SLC35F1: variants seen among roughly 807,000 people sequenced by gnomAD.
SLC35F1 encodes the protein solute carrier family 35 member F1, also known as chromosome 6 open reading frame 169.
In SLC35F1, 14 loss-of-function variants were observed where a neutral mutation model predicts 48.7. The observed-to-expected ratio is 0.29, with a 90% CI of 0.19 to 0.45. The LOEUF (loss-of-function observed/expected upper bound fraction) is 0.45, where lower values mean the gene tolerates loss of function less well. Ranked by LOEUF, SLC35F1 falls within the 20% of genes least tolerant of loss-of-function variation. The pLI is 1.00. For synonymous variants in SLC35F1, 190 were observed against 202.2 expected, an observed-to-expected ratio of 0.94 and a Z score of 0.51; for missense variants, 404 against 500.0, an observed-to-expected ratio of 0.81 and a Z score of 1.83.
chr6:118,204,511 A>T (rs1205259977), intron 2 of SLC35F1, among the ~76,000 whole-genome samples: 1 of 152,210 alleles, frequency 6.6e-6, no homozygotes, highest in Non-Finnish European at 1.5e-5. Context: ...CCACTAGTCA[A>T]TTCCTATGTT....
chr6:118,070,250 C>T (rs1360619661), intron 1 of SLC35F1, among the ~76,000 whole-genome samples: 1 of 151,730 alleles, frequency 6.6e-6, no homozygotes, highest in Non-Finnish European at 1.5e-5. Context: ...AAGCAAACTG[C>T]TTCTCTCTTT....
chr6:118,113,709 C>T (rs1283722533), intron 1 of SLC35F1, among the ~76,000 whole-genome samples: 1 of 152,132 alleles, frequency 6.6e-6, no homozygotes, highest in Non-Finnish European at 1.5e-5. Flanking sequence ...TCTAACTATA[C>T]TTTCAGTTTC....
At chr6:118,158,811 T>G (rs563070780) in intron 2 of SLC35F1, among the ~76,000 whole-genome samples, 1 of 152,310 alleles carries the variant, frequency 6.6e-6, no homozygotes, top group Non-Finnish European at 1.5e-5. Context: ...TTACAAAAAT[T>G]TGGGTACTAT....
chr6:118,167,401 T>C (rs569039835), intron 2 of SLC35F1, among the ~76,000 whole-genome samples: 1 of 152,308 alleles, frequency 6.6e-6, no homozygotes, highest in African/African-American at 2.4e-5. Flanking sequence ...ACCTAGATGT[T>C]ATAGCCTACT....
intron 2 of SLC35F1, among the ~76,000 whole-genome samples, chr6:118,232,548 C>CAAAA (rs771123566): frequency 3.2e-4 from 16 of 50,708 alleles, no homozygotes; most frequent in African/African-American, 9.2e-4. Context: ...AACTCCATCC[C>CAAAA]AAAAAAAAAA....
intron 7 of SLC35F1, among the ~76,000 whole-genome samples, chr6:118,301,004 T>C (rs1776249480): frequency 6.6e-6 from 1 of 152,112 alleles, no homozygotes; most frequent in African/African-American, 2.4e-5. Flanking sequence ...TCCGTAGTTA[T>C]GAATTGTACT....
At chr6:118,134,465 T>C (rs1274317040) in intron 1 of SLC35F1, among the ~76,000 whole-genome samples, 1 of 152,230 alleles carries the variant, frequency 6.6e-6, no homozygotes, top group Non-Finnish European at 1.5e-5. Context: ...AATATGCTAG[T>C]CCACAAATGA....
intron 1 of SLC35F1, among the ~76,000 whole-genome samples, chr6:118,133,328 ACTTGC>A: frequency 6.6e-6 from 1 of 152,130 alleles, no homozygotes; most frequent in Admixed American, 6.6e-5. Context: ...GGAGCAGAAA[ACTTGC>A]CTTGACTGAG....
chr6:118,224,693 G>A (rs886183042), intron 2 of SLC35F1, among the ~76,000 whole-genome samples: 57 of 152,280 alleles, frequency 3.7e-4, no homozygotes, highest in African/African-American at 1.3e-3. Context: ...TTGCTTTCTT[G>A]ATTTCTTCTT....
At chr6:117,909,154 G>C (rs1251471218) in intron 1 of SLC35F1, among the ~76,000 whole-genome samples, 1 of 152,178 alleles carries the variant, frequency 6.6e-6, no homozygotes. Flanking sequence ...TCTGACGGGA[G>C]ACAGGAGTTG....
At chr6:118,172,785 G>A (rs1774425660) in intron 2 of SLC35F1, among the ~76,000 whole-genome samples, 1 of 152,142 alleles carries the variant, frequency 6.6e-6, no homozygotes, top group African/African-American at 2.4e-5. Context: ...ATATTTGAGA[G>A]TCAGTATCCA....
chr6:118,111,459 G>T (rs1159431347), intron 1 of SLC35F1, among the ~76,000 whole-genome samples: 1 of 152,126 alleles, frequency 6.6e-6, no homozygotes, highest in Admixed American at 6.6e-5. Context: ...AGTGTTGAAA[G>T]AGAAAAACTC....
chr6:118,064,736 C>A (rs141150196), intron 1 of SLC35F1, among the ~76,000 whole-genome samples: 1 of 152,074 alleles, frequency 6.6e-6, no homozygotes, highest in Non-Finnish European at 1.5e-5. Flanking sequence ...TTTGTAACAG[C>A]CCTAAGGAAT....
intron 3 of SLC35F1, among the ~76,000 whole-genome samples, 173 bp from the exon 4 acceptor site, chr6:118,266,822 A>C (rs752207796): frequency 1.3e-5 from 2 of 152,118 alleles, no homozygotes; most frequent in African/African-American, 2.4e-5. Context: ...AATAAAGCTA[A>C]TTTCCATTTA....
chr6:118,171,668 T>C (rs185900341), intron 2 of SLC35F1, among the ~76,000 whole-genome samples: 3 of 152,310 alleles, frequency 2.0e-5, no homozygotes, highest in African/African-American at 7.2e-5. Flanking sequence ...CTGGTCAGTC[T>C]GAAAGGTGAA....
intron 2 of SLC35F1, among the ~76,000 whole-genome samples, chr6:118,200,750 C>G (rs1292120347): frequency 6.6e-6 from 1 of 152,008 alleles, no homozygotes; most frequent in Non-Finnish European, 1.5e-5. Flanking sequence ...CGTAACAGTG[C>G]GATTATGGGT....
intron 2 of SLC35F1, among the ~76,000 whole-genome samples, chr6:118,203,401 C>T (rs544814873): frequency 1.4e-4 from 22 of 152,356 alleles, no homozygotes; most frequent in African/African-American, 4.3e-4. Flanking sequence ...TTCCAGAAAT[C>T]AAAGCAGGAT....
intron 2 of SLC35F1, among the ~76,000 whole-genome samples, chr6:118,172,613 T>G (rs960070405): frequency 2.6e-5 from 4 of 152,180 alleles, no homozygotes; most frequent in Non-Finnish European, 5.9e-5. Context: ...TTTATGTTCT[T>G]TCCTTAAGCA....
intron 1 of SLC35F1, among the ~76,000 whole-genome samples, chr6:118,079,927 C>A (rs1300217787): frequency 6.6e-6 from 1 of 152,138 alleles, no homozygotes; most frequent in Non-Finnish European, 1.5e-5. Flanking sequence ...GCATCATATT[C>A]TCTTACTTTC....
Sources: gnomAD v4.1 joint callset for allele counts (sites outside exome capture counted in the v4.1 genomes callset) on GRCh38, gnomAD v4.1.1 for gene constraint, MANE v1.5 for transcripts, NCBI Gene and HGNC (gene_info 2026-07-23, HGNC 2026-07-21) for gene names.